PHACTR2: variants seen among roughly 807,000 people sequenced by gnomAD.
PHACTR2 encodes the protein phosphatase and actin regulator 2.
PHACTR2 carries 30 observed loss-of-function variants against 76.0 expected under a neutral mutation model. The observed-to-expected ratio is 0.39, with a 90% CI of 0.30 to 0.54. The LOEUF (loss-of-function observed/expected upper bound fraction) is 0.54, where lower values mean the gene tolerates loss of function less well. Among genes scored for constraint, PHACTR2 ranks in the 20% least tolerant of loss-of-function variants. PHACTR2 has a pLI of 0.61. For missense variants in PHACTR2, 696 were observed against 781.1 expected (o/e 0.89, Z 1.30); for synonymous variants, 292 against 292.5 (o/e 1.00, Z 0.02).
chr6:143,800,437 A>AT lies in PHACTR2; in HGVS notation c.1846-6615dup. ...CCACCATGCCCAGTTAATTTTTTGT[A>AT]TTTTTAGTAGAGACGGGGTTTCACT... is the stretch of plus-strand genomic sequence containing the variant. On this transcript the variant is annotated intron_variant, in intron 11 of 12. Coordinates refer to ENST00000440869, the MANE Select transcript of PHACTR2 (RefSeq NM_001100164.2). The surrounding 1 kb of genome is among the most constrained non-coding windows in gnomAD (Gnocchi z 4.8). Among the ~76,000 whole-genome samples the AT allele has an allele frequency of 6.6e-6, 1 of 151,888 alleles. No individual in the cohort carries two copies. Among genetic ancestry groups the AT allele is most frequent in the East Asian group, 1.9e-4 (1 of 5,148 alleles).
intron 1 of PHACTR2, among the ~76,000 whole-genome samples, chr6:143,643,445 T>C (rs1300592856): frequency 1.3e-5 from 2 of 152,210 alleles, no homozygotes; most frequent in Non-Finnish European, 1.5e-5. Context: ...AGTTTGGAAT[T>C]CAGTAAATTT....
At position 143,774,263 on chromosome 6, in the gene PHACTR2, C is replaced by T. The variant is rs777073991; in HGVS notation, c.1589+48C>T. The T allele has an allele frequency of 1.3e-6, 2 of 1,511,670 alleles. No homozygotes were observed. Among genetic ancestry groups the T allele is most frequent in the Non-Finnish European group, 1.8e-6 (2 of 1,094,326 alleles). The allele number at this position is 1,511,670 out of a possible 1,614,324, so 93.6% of individuals were successfully genotyped here. On this transcript the variant is annotated intron_variant, in intron 8 of 12. Transcript: ENST00000440869. The surrounding 1 kb of genome is among the most constrained non-coding windows in gnomAD (Gnocchi z 5.4). The stretch of plus-strand genomic sequence containing the variant: ...AGTACTGACTAATTTGTATTTTTCT[C>T]CCTCCCAAAGCTTCCTACCTAACTG...
Position 143,820,983 on chromosome 6 carries a change from C to T in PHACTR2, c.1923-2691C>T, listed in dbSNP as rs1053343010. ...GCTGTCAAGGCTTTCAGCTTGCACCCTCTGAAGCAGAAGCCTGAGCTGTAT... is the reference window on the plus strand; with the variant it reads ...GCTGTCAAGGCTTTCAGCTTGCACCTTCTGAAGCAGAAGCCTGAGCTGTAT... On this transcript the variant is annotated intron_variant, in intron 12 of 12. Coordinates refer to ENST00000440869, the MANE Select transcript of PHACTR2 (RefSeq NM_001100164.2). The surrounding 1 kb of genome is among the most constrained non-coding windows in gnomAD (Gnocchi z 4.2). 1.2e-4 allele frequency among the ~76,000 whole-genome samples: 18 copies of T among 152,268 alleles called. No individual in the cohort carries two copies. Among genetic ancestry groups the T allele is most frequent in the Admixed American group, 5.9e-4 (9 of 15,284 alleles).
intron 2 of PHACTR2, among the ~76,000 whole-genome samples, chr6:143,734,726 G>T (rs1170026286): frequency 6.6e-6 from 1 of 152,102 alleles, no homozygotes; most frequent in Non-Finnish European, 1.5e-5. Context: ...ATTAAATAAG[G>T]CCTCCATTGG....
At chr6:143,713,022 G>C (rs73577997) in intron 2 of PHACTR2, among the ~76,000 whole-genome samples, 2,171 of 152,288 alleles carry the variant, frequency 0.014, 63 homozygotes, top group African/African-American at 0.049. Context: ...CATGCTTACT[G>C]TCCAAGGCAA....
At chr6:143,540,343 A>T (rs1238956901) in intron 1 of PHACTR2, among the ~76,000 whole-genome samples, 3 of 152,114 alleles carry the variant, frequency 2.0e-5, no homozygotes, top group African/African-American at 7.2e-5. Context: ...GTCAGAGAAC[A>T]GCCTCCCTCC....
chr6:143,713,954 T>C (rs1174191427), intron 2 of PHACTR2, among the ~76,000 whole-genome samples: 1 of 152,172 alleles, frequency 6.6e-6, no homozygotes, highest in Non-Finnish European at 1.5e-5. Flanking sequence ...ATACATTAGT[T>C]TTTTTCACAT....
chr6:143,614,737 C>T (rs1213679567), intron 1 of PHACTR2, among the ~76,000 whole-genome samples: 1 of 152,056 alleles, frequency 6.6e-6, no homozygotes, highest in Non-Finnish European at 1.5e-5. Context: ...CTTCTCTTTC[C>T]TTGCCTCTAA....
rs1562680608 is a variant in PHACTR2, at chr6:143,549,118, C to T, written c.217+11911C>T. Among the ~76,000 whole-genome samples the T allele has an allele frequency of 6.6e-6, 1 of 152,098 alleles. No individual in the cohort carries two copies. The highest frequency in any genetic ancestry group is 1.9e-4 in the East Asian group (1 of 5,172). ...AGCGAACATGCCAGTCTGTAGGGTG[C>T]ACATTTCCACAGAGCTGTCTGGGCC... On this transcript the variant is annotated intron_variant, in intron 1 of 11. Coordinates refer to the PHACTR2 transcript ENST00000367584. This position sits in a 1 kb window ranked among gnomAD's most constrained non-coding sequence, Gnocchi z 4.2.
At position 143,754,884 on chromosome 6, in the gene PHACTR2, TGAAA is replaced by T. The variant is rs918532748; in HGVS notation, c.454+974_454+977del. ...GGCATTTTGAACTCTTAGAAACTGA[TGAAA>T]GTGAATTCTCTTCCTCTGTTCTTGA... On this transcript the variant is annotated intron_variant, in intron 4 of 12. Transcript: ENST00000440869. The surrounding 1 kb of genome is among the most constrained non-coding windows in gnomAD (Gnocchi z 6.2). Among the ~76,000 whole-genome samples, 1 of 152,206 alleles carries T rather than the reference TGAAA, an allele frequency of 6.6e-6. No individual in the cohort carries two copies. Among genetic ancestry groups the T allele is most frequent in the African/African-American group, 2.4e-5 (1 of 41,452 alleles).
At chr6:143,559,420 A>G (rs985363505) in intron 1 of PHACTR2, among the ~76,000 whole-genome samples, 2 of 152,204 alleles carry the variant, frequency 1.3e-5, no homozygotes, top group African/African-American at 4.8e-5. Flanking sequence ...CAGAGGATTC[A>G]TGAGTTATTT....
rs1398009985 is a variant in PHACTR2, at chr6:143,543,226, T to C, written c.217+6019T>C. ...TTTACTTAAACTAGTTAAGCTCTAG[T>C]TTGTGTCAGTACCTCAGTGGCAGCT... On this transcript the variant is annotated intron_variant, in intron 1 of 11. Coordinates refer to the PHACTR2 transcript ENST00000367584. The surrounding 1 kb of genome is among the most constrained non-coding windows in gnomAD (Gnocchi z 4.7). 2.0e-5 allele frequency among the ~76,000 whole-genome samples: 3 copies of C among 152,194 alleles called. No individual in the cohort carries two copies. Among genetic ancestry groups the C allele is most frequent in the South Asian group, 2.1e-4 (1 of 4,832 alleles).
rs1776405481 is a variant in PHACTR2 at position 143,633,837 on chromosome 6, T to G, written c.13+25515T>G. The stretch of plus-strand genomic sequence containing the variant: ...TATAAAGGTCTCTGTCTAGATTCAT[T>G]TTTTCGCATTTAGATGTCCAGTTAC... On this transcript the variant is annotated intron_variant, in intron 1 of 11. Coordinates refer to the PHACTR2 transcript ENST00000305766. The surrounding 1 kb of genome is among the most constrained non-coding windows in gnomAD (Gnocchi z 4.1). 6.6e-6 allele frequency among the ~76,000 whole-genome samples: 1 copy of G among 152,216 alleles called. No homozygotes were observed. The highest frequency in any genetic ancestry group is 1.5e-5 in the Non-Finnish European group (1 of 68,034).
chr6:143,551,079 A>G (rs550520743), intron 1 of PHACTR2, among the ~76,000 whole-genome samples: 5 of 152,018 alleles, frequency 3.3e-5, no homozygotes, highest in African/African-American at 1.2e-4. Context: ...CCCAAAGACT[A>G]ACACATTTTA....
upstream of PHACTR2, among the ~76,000 whole-genome samples, chr6:143,673,619 A>G (rs1410601888): frequency 6.6e-6 from 1 of 152,140 alleles, no homozygotes; most frequent in Non-Finnish European, 1.5e-5. Flanking sequence ...TTTTAATACT[A>G]TGGATGAGTA....
rs534332888 is a variant in PHACTR2, at chr6:143,665,835, C to A, written c.14-46181C>A. Among the ~76,000 whole-genome samples, 8 of 152,202 alleles carry A rather than the reference C, an allele frequency of 5.3e-5. No individual in the cohort carries two copies. The South Asian group carries it at 6.2e-4, about 12-fold the overall frequency. ...ACTTTGTTCGAAACTGTCATTGCAA[C>A]CTTATCGCACTCGTAGTAAAAGCTA... On this transcript the variant is annotated intron_variant, in intron 1 of 11. Coordinates refer to the PHACTR2 transcript ENST00000305766.
At position 143,700,244 on chromosome 6, in the gene PHACTR2, AG is replaced by A. The variant is rs1242133806; in HGVS notation, c.47-11771del. Among the ~76,000 whole-genome samples the A allele has an allele frequency of 6.6e-6, 1 of 152,186 alleles. No homozygotes were observed. Among genetic ancestry groups the A allele is most frequent in the African/African-American group, 2.4e-5 (1 of 41,460 alleles). Reference sequence around the variant, plus strand: ...CATAATTTTGTCTGAAACAAAATTTAGCCCCTTACTTAAAAACTGTGATATT... The same window carrying A: ...CATAATTTTGTCTGAAACAAAATTTACCCCTTACTTAAAAACTGTGATATT... On this transcript the variant is annotated intron_variant, in intron 1 of 12. Coordinates refer to ENST00000440869, the MANE Select transcript of PHACTR2 (RefSeq NM_001100164.2). The surrounding 1 kb of genome is among the most constrained non-coding windows in gnomAD (Gnocchi z 4.1).
rs1776668626 is a variant in PHACTR2, at chr6:143,646,918, C to G, written c.13+38596C>G. On this transcript the variant is annotated intron_variant, in intron 1 of 11. Coordinates refer to the PHACTR2 transcript ENST00000305766. The surrounding 1 kb of genome is among the most constrained non-coding windows in gnomAD (Gnocchi z 4.1). ...TGTTCTAACATAACAGTCTTCTGATCACGATGATTCTCTATAATCAACATT... is the reference window on the plus strand; with the variant it reads ...TGTTCTAACATAACAGTCTTCTGATGACGATGATTCTCTATAATCAACATT... Among the ~76,000 whole-genome samples the G allele has an allele frequency of 6.6e-6, 1 of 152,210 alleles. No individual in the cohort carries two copies. The highest frequency in any genetic ancestry group is 2.4e-5 in the African/African-American group (1 of 41,456).
At position 143,625,132 on chromosome 6, in the gene PHACTR2, G is replaced by C. The variant is rs1260853420; in HGVS notation, c.13+16810G>C. On this transcript the variant is annotated intron_variant, in intron 1 of 11. Transcript: ENST00000305766. The surrounding 1 kb of genome is among the most constrained non-coding windows in gnomAD (Gnocchi z 4.3). ...GATTGCACCACTACACTCCAACATGGAGTGTAGAGACAGAATGAGACTTCA... is the reference window on the plus strand; with the variant it reads ...GATTGCACCACTACACTCCAACATGCAGTGTAGAGACAGAATGAGACTTCA... 6.6e-6 allele frequency among the ~76,000 whole-genome samples: 1 copy of C among 151,824 alleles called. No individual in the cohort carries two copies. The highest frequency in any genetic ancestry group is 6.6e-5 in the Admixed American group (1 of 15,254).
Sources: allele counts gnomAD v4.1 joint callset (sites outside exome capture counted in the v4.1 genomes callset), GRCh38; gene constraint gnomAD v4.1.1; non-coding constraint Gnocchi (gnomAD v3.1); transcripts MANE v1.5; gene names NCBI Gene and HGNC (gene_info 2026-07-23, HGNC 2026-07-21).